Variants in RABGAP1L observed in about 807,000 individuals in gnomAD.
The protein encoded by RABGAP1L is RAB GTPase activating protein 1 like, also known as rab GTPase-activating protein 1-like.
RABGAP1L carries 63 observed loss-of-function variants against 137.7 expected under a neutral mutation model. The ratio of observed to expected loss-of-function variants is 0.46; its 90% CI spans 0.37 to 0.56. The LOEUF (loss-of-function observed/expected upper bound fraction) is 0.56. Among genes scored for constraint, RABGAP1L ranks in the 20% least tolerant of loss-of-function variants. RABGAP1L has a pLI of 0.00. For synonymous variants in RABGAP1L, 431 were observed against 433.7 expected (o/e 0.99, Z 0.08); for missense variants, 1,095 against 1,244.0 (o/e 0.88, Z 1.80).
intron 13 of RABGAP1L, among the ~76,000 whole-genome samples, chr1:174,534,939 C>G (rs1302191344): frequency 2.0e-5 from 3 of 152,014 alleles, no homozygotes; most frequent in Non-Finnish European, 2.9e-5. Context: ...AATGGTAACC[C>G]AGAAGGTGAC....
chr1:174,455,177 A>AT (rs369870718), intron 13 of RABGAP1L, among the ~76,000 whole-genome samples: 156 of 152,280 alleles, frequency 1.0e-3, no homozygotes, highest in African/African-American at 3.4e-3. Context: ...AGTTTTTGAG[A>AT]TTCTAAAATT....
chr1:174,632,615 C>A (rs571584752), intron 13 of RABGAP1L, among the ~76,000 whole-genome samples: 1,649 of 149,762 alleles, frequency 0.011, 34 homozygotes, highest in African/African-American at 0.039. Flanking sequence ...TTTCTCTAAA[C>A]TTCCCTTCTC....
intron 19 of RABGAP1L, among the ~76,000 whole-genome samples, chr1:174,888,688 A>G (rs1655591078): frequency 1.3e-5 from 2 of 151,866 alleles, no homozygotes; most frequent in African/African-American, 4.8e-5. Context: ...AGTAGAGATG[A>G]GGTTTCCCCA....
intron 14 of RABGAP1L, among the ~76,000 whole-genome samples, chr1:174,656,243 G>T (rs1301439430): frequency 1.3e-5 from 2 of 152,122 alleles, no homozygotes; most frequent in African/African-American, 4.8e-5. Flanking sequence ...GATGACCTGA[G>T]GTCAGGAGTT....
intron 8 of RABGAP1L, chr1:174,275,063 A>G (rs940520355): frequency 6.6e-6 from 1 of 152,170 alleles, no homozygotes; most frequent in Non-Finnish European, 1.5e-5. Flanking sequence ...ACACATATAC[A>G]CAAGCTATAA....
At chr1:174,502,658 ATG>A (rs745854272) in intron 13 of RABGAP1L, among the ~76,000 whole-genome samples, 43 of 147,534 alleles carry the variant, frequency 2.9e-4, no homozygotes, top group South Asian at 8.5e-4. Context: ...GTACATATAT[ATG>A]TGTGTGTGTA....
At chr1:174,486,060 G>T (rs1289894044) in intron 13 of RABGAP1L, among the ~76,000 whole-genome samples, 1 of 151,878 alleles carries the variant, frequency 6.6e-6, no homozygotes, top group East Asian at 1.9e-4. Flanking sequence ...GTTCACTCTT[G>T]GTAGGTTGGC....
At position 174,448,210 on chromosome 1, in the gene RABGAP1L, C is replaced by T. The variant is rs1461094866; in HGVS notation, c.1710+54065C>T. Reference sequence around the variant, plus strand: ...ACTCCTGCCCACTTGGATTTGGCCACTACAGTGTGGTGGATGTCTGCATCT... The same window carrying T: ...ACTCCTGCCCACTTGGATTTGGCCATTACAGTGTGGTGGATGTCTGCATCT... On this transcript the variant is annotated intron_variant, in intron 13 of 25. Coordinates refer to ENST00000681986, the MANE Select transcript of RABGAP1L (RefSeq NM_001366446.1). The surrounding 1 kb of genome is among the most constrained non-coding windows in gnomAD (Gnocchi z 4.2). The T allele has an allele frequency of 1.2e-6, 2 of 1,614,052 alleles. No individual in the cohort carries two copies. Among genetic ancestry groups the T allele is most frequent in the African/African-American group, 2.7e-5 (2 of 75,028 alleles).
At chr1:174,597,149 G>T (rs1220043831) in intron 13 of RABGAP1L, among the ~76,000 whole-genome samples, 1 of 152,054 alleles carries the variant, frequency 6.6e-6, no homozygotes, top group Non-Finnish European at 1.5e-5. Flanking sequence ...TTGTATCAAT[G>T]TTCGTCAGAA....
intron 1 of RABGAP1L, among the ~76,000 whole-genome samples, chr1:174,165,126 G>A (rs1438125176): frequency 6.6e-6 from 1 of 152,148 alleles, no homozygotes. Context: ...GGAACTATAA[G>A]AGTTTAGAGA....
intron 19 of RABGAP1L, among the ~76,000 whole-genome samples, chr1:174,882,382 C>A (rs186065028): frequency 6.6e-6 from 1 of 152,130 alleles, no homozygotes; most frequent in Non-Finnish European, 1.5e-5. Context: ...TCATAAGTAA[C>A]CCTGTGTCTT....
chr1:174,488,692 ATCT>A (rs1659912792), intron 13 of RABGAP1L, among the ~76,000 whole-genome samples: 1 of 151,490 alleles, frequency 6.6e-6, no homozygotes, highest in Non-Finnish European at 1.5e-5. Flanking sequence ...TACTCTGTAA[ATCT>A]TCTAGGTGTG....
Position 174,384,196 on chromosome 1 carries a change from C to T in RABGAP1L, c.1560-9799C>T, listed in dbSNP as rs531591583. ...CAAGTGACTTAATACTATGTTATTC[C>T]ATTTGTATGAAATTCTGGAAAAGTC... On this transcript the variant is annotated intron_variant, in intron 12 of 25. Coordinates refer to ENST00000681986, the MANE Select transcript of RABGAP1L (RefSeq NM_001366446.1). Among the ~76,000 whole-genome samples, 43 of 152,208 alleles carry T rather than the reference C, an allele frequency of 2.8e-4. 1 individual carries two copies. The highest frequency in any genetic ancestry group is 2.5e-3 in the Admixed American group (39 of 15,296).
intron 13 of RABGAP1L, among the ~76,000 whole-genome samples, chr1:174,612,504 G>C (rs912598099): frequency 4.6e-5 from 7 of 152,156 alleles, no homozygotes; most frequent in Non-Finnish European, 8.8e-5. Context: ...CAAGGATATT[G>C]GTCTAAAATT....
chr1:174,308,604 G>GT (rs1009991964), intron 11 of RABGAP1L, among the ~76,000 whole-genome samples: 1 of 151,976 alleles, frequency 6.6e-6, no homozygotes, highest in African/African-American at 2.4e-5. Context: ...TGGATATCCA[G>GT]TTTTTCCAAA....
Position 174,293,615 on chromosome 1 carries a change from G to T in RABGAP1L, c.1324-11371G>T, listed in dbSNP as rs562246203. Among the ~76,000 whole-genome samples the T allele has an allele frequency of 2.0e-5, 3 of 152,050 alleles. No individual in the cohort carries two copies. In the South Asian group the frequency reaches 6.2e-4, roughly 32 times the overall value. On this transcript the variant is annotated intron_variant, in intron 10 of 25. Coordinates refer to ENST00000681986, the MANE Select transcript of RABGAP1L (RefSeq NM_001366446.1). ...TTCCTTTAGTCTAGGTTTTATTAGG[G>T]GTCAAGGTAAAGAAATGAAGAGGGC...
intron 12 of RABGAP1L, among the ~76,000 whole-genome samples, chr1:174,391,177 T>C (rs146143995): frequency 6.6e-6 from 1 of 152,248 alleles, no homozygotes; most frequent in African/African-American, 2.4e-5. Context: ...CAAGGAGAGA[T>C]GCAGAAGCCA....
chr1:174,586,925 A>C (rs1306244484), intron 13 of RABGAP1L, among the ~76,000 whole-genome samples: 4 of 152,028 alleles, frequency 2.6e-5, no homozygotes, highest in Admixed American at 1.3e-4. Flanking sequence ...GTACAATATG[A>C]GTGTGATGTT....
chr1:174,247,123 A>G (rs768051718), intron 5 of RABGAP1L, among the ~76,000 whole-genome samples: 2 of 152,132 alleles, frequency 1.3e-5, no homozygotes, highest in Non-Finnish European at 2.9e-5. Flanking sequence ...GATGCTTTAG[A>G]ATTTGCCAAG....
Sources: gnomAD v4.1 joint callset for allele counts (sites outside exome capture counted in the v4.1 genomes callset) on GRCh38, gnomAD v4.1.1 for gene constraint, Gnocchi (gnomAD v3.1) non-coding constraint, MANE v1.5 for transcripts, NCBI Gene and HGNC (gene_info 2026-07-23, HGNC 2026-07-21) for gene names.